The following LDLRAD3 variants were observed in gnomAD, a reference collection of about 807,000 sequenced individuals.
LDLRAD3 encodes low-density lipoprotein receptor class A domain-containing protein 3.
Under a neutral mutation model 29.4 loss-of-function variants are expected in LDLRAD3, and 20 were observed. The ratio of observed to expected loss-of-function variants is 0.68; its 90% CI spans 0.48 to 0.99. The LOEUF is 0.99. LDLRAD3 is among the 50% of genes least tolerant of loss of function. The pLI, the probability that LDLRAD3 is intolerant of heterozygous loss-of-function variation, is 0.00. For missense variants in LDLRAD3, 420 were observed against 454.3 expected, an observed-to-expected ratio of 0.92 and a Z score of 0.69; for synonymous variants, 157 against 192.7, an observed-to-expected ratio of 0.81 and a Z score of 1.53.
chr11:35,949,957 T>C (rs1216182372), intron 1 of LDLRAD3, among the ~76,000 whole-genome samples: 1 of 152,246 alleles, frequency 6.6e-6, no homozygotes, highest in Non-Finnish European at 1.5e-5. Flanking sequence ...GCAAATGTCA[T>C]TTTCTTTGTC....
intron 4 of LDLRAD3, among the ~76,000 whole-genome samples, chr11:36,149,328 G>T (rs1161281665): frequency 6.6e-6 from 1 of 152,204 alleles, no homozygotes; most frequent in Admixed American, 6.5e-5. Flanking sequence ...AAGAATAGCG[G>T]TTGGAGAGTT....
chr11:36,054,143 C>G (rs774882879), intron 2 of LDLRAD3, among the ~76,000 whole-genome samples: 1 of 152,170 alleles, frequency 6.6e-6, no homozygotes, highest in Non-Finnish European at 1.5e-5. Flanking sequence ...CCCCCATTTT[C>G]TGCATTTCAG....
intron 1 of LDLRAD3, chr11:35,997,448 C>G (rs1441261419): frequency 2.6e-5 from 10 of 391,634 alleles, no homozygotes; most frequent in Non-Finnish European, 4.5e-5. Context: ...ACCCTTCTGG[C>G]AGTGGCAGAT....
intron 4 of LDLRAD3, among the ~76,000 whole-genome samples, chr11:36,148,319 A>T (rs10768195): frequency 6.6e-6 from 1 of 151,872 alleles, no homozygotes; most frequent in Non-Finnish European, 1.5e-5. Context: ...CACTTTAGGG[A>T]TCTGGAAGCG....
intron 4 of LDLRAD3, among the ~76,000 whole-genome samples, chr11:36,132,460 CT>C: frequency 6.6e-6 from 1 of 152,182 alleles, no homozygotes; most frequent in East Asian, 1.9e-4. Context: ...GTTCTTAGTG[CT>C]TTATATTTAA....
chr11:36,122,237 G>A (rs1853770021), intron 4 of LDLRAD3, among the ~76,000 whole-genome samples: 1 of 152,078 alleles, frequency 6.6e-6, no homozygotes, highest in African/African-American at 2.4e-5. Flanking sequence ...GCTGTGCTGT[G>A]TGCCCAAGCG....
chr11:36,094,325 A>T (rs1853327444), intron 3 of LDLRAD3, among the ~76,000 whole-genome samples: 1 of 152,236 alleles, frequency 6.6e-6, no homozygotes, highest in Non-Finnish European at 1.5e-5. Context: ...TTGTATGCAT[A>T]CATAGTATGC....
At chr11:35,986,959 C>T (rs1413439428) in intron 1 of LDLRAD3, among the ~76,000 whole-genome samples, 3 of 152,228 alleles carry the variant, frequency 2.0e-5, no homozygotes, top group African/African-American at 2.4e-5. Flanking sequence ...CTCTAGATCT[C>T]TCACACCGGG....
intron 2 of LDLRAD3, among the ~76,000 whole-genome samples, chr11:36,062,908 T>C (rs572958456): frequency 6.6e-6 from 1 of 152,290 alleles, no homozygotes; most frequent in African/African-American, 2.4e-5. Context: ...ACTAATACGT[T>C]GACCCACTAA....
intron 4 of LDLRAD3, among the ~76,000 whole-genome samples, chr11:36,116,844 C>CTTTT (rs58819693): frequency 6.4e-4 from 88 of 136,990 alleles, no homozygotes; most frequent in African/African-American, 2.3e-3. Flanking sequence ...TTCTTTTTTT[C>CTTTT]TTTTTTTTTT....
intron 3 of LDLRAD3, among the ~76,000 whole-genome samples, chr11:36,093,425 A>C (rs1166303793): frequency 6.6e-6 from 1 of 151,976 alleles, no homozygotes; most frequent in African/African-American, 2.4e-5. Context: ...ATTCCCATTA[A>C]GGTTTTTTTT....
chr11:36,063,256 T>C lies in LDLRAD3; in HGVS notation c.194-18397T>C, dbSNP rs778020119. 7.7e-4 allele frequency among the ~76,000 whole-genome samples: 117 copies of C among 152,240 alleles called. 1 individual carries two copies. Among genetic ancestry groups the C allele is most frequent in the Admixed American group, 5.9e-4 (9 of 15,286 alleles). On this transcript the variant is annotated intron_variant, in intron 2 of 5. Transcript: ENST00000315571. Reference sequence around the variant, plus strand: ...AAAAAAGCAACTCTTTCATTTCTGATGTCACCAGTCTTCTTAGATCTCAGG... The same window carrying C: ...AAAAAAGCAACTCTTTCATTTCTGACGTCACCAGTCTTCTTAGATCTCAGG...
At chr11:36,090,983 A>G (rs1441375922) in intron 3 of LDLRAD3, among the ~76,000 whole-genome samples, 1 of 152,148 alleles carries the variant, frequency 6.6e-6, no homozygotes, top group African/African-American at 2.4e-5. Flanking sequence ...CCAAGTCACA[A>G]AGGGTGCAGG....
At chr11:35,971,784 C>A (rs1278974477) in intron 1 of LDLRAD3, among the ~76,000 whole-genome samples, 4 of 152,072 alleles carry the variant, frequency 2.6e-5, no homozygotes, top group Non-Finnish European at 5.9e-5. Flanking sequence ...CAGCCGGGAA[C>A]TCACAGGAAA....
intron 2 of LDLRAD3, among the ~76,000 whole-genome samples, chr11:36,071,855 T>A (rs1295053905): frequency 2.6e-5 from 4 of 152,222 alleles, no homozygotes; most frequent in African/African-American, 9.6e-5. Context: ...ACCCACTGCA[T>A]TTTAACAAGG....
At chr11:36,121,353 G>T (rs1311363804) in intron 4 of LDLRAD3, among the ~76,000 whole-genome samples, 1 of 152,044 alleles carries the variant, frequency 6.6e-6, no homozygotes, top group Non-Finnish European at 1.5e-5. Flanking sequence ...AGGGAGAGAG[G>T]TGGGGTGGTG....
chr11:36,122,340 G>A (rs528031763), intron 4 of LDLRAD3, among the ~76,000 whole-genome samples: 17 of 152,252 alleles, frequency 1.1e-4, no homozygotes, highest in African/African-American at 2.9e-4. Context: ...GGAGAAGTGG[G>A]AAGGGCTTGT....
At chr11:35,948,528 C>G (rs1396068597) in intron 1 of LDLRAD3, among the ~76,000 whole-genome samples, 1 of 151,920 alleles carries the variant, frequency 6.6e-6, no homozygotes, top group Non-Finnish European at 1.5e-5. Context: ...GTGAAAAAAT[C>G]TACTCACTTG....
At chr11:35,967,032 G>C (rs1036027731) in intron 1 of LDLRAD3, 1 of 197,862 alleles carries the variant, frequency 5.1e-6, no homozygotes, top group Non-Finnish European at 1.1e-5. Context: ...ATGCTGTCCT[G>C]AGGTAAAGCT....
Sources: allele counts gnomAD v4.1 joint callset (sites outside exome capture counted in the v4.1 genomes callset), GRCh38; gene constraint gnomAD v4.1.1; transcripts MANE v1.5; gene names NCBI Gene and HGNC (gene_info 2026-07-23, HGNC 2026-07-21).